SYT1: variants seen among roughly 807,000 people sequenced by gnomAD.
SYT1 encodes synaptotagmin 1.
In SYT1, 8 loss-of-function variants were observed where a neutral mutation model predicts 44.8. The observed-to-expected ratio is 0.18, with a 90% CI of 0.10 to 0.32. The LOEUF is 0.32. SYT1 is among the 10% of genes least tolerant of loss of function. The probability of loss-of-function intolerance (pLI) is 1.00; values close to 1 mark genes in which losing one functional copy is unlikely to be tolerated. For synonymous variants in SYT1, 154 were observed against 188.8 expected (o/e 0.82, Z 1.51); for missense variants, 286 against 509.3 (o/e 0.56, Z 4.22).
intron 4 of SYT1, among the ~76,000 whole-genome samples, chr12:79,253,275 C>T (rs537562139): frequency 2.6e-5 from 4 of 152,042 alleles, no homozygotes; most frequent in Admixed American, 6.6e-5. Flanking sequence ...CCCAAAGCTA[C>T]GCTCACTCTA....
At chr12:78,924,214 T>C (rs1681139852) in intron 1 of SYT1, among the ~76,000 whole-genome samples, 1 of 151,950 alleles carries the variant, frequency 6.6e-6, no homozygotes, top group African/African-American at 2.4e-5. Flanking sequence ...ATTATGGTGA[T>C]GTTAACTTCA....
chr12:79,388,834 G>A lies in SYT1; in HGVS notation c.928+35215G>A, dbSNP rs1055473051. On this transcript the variant is annotated intron_variant, in intron 9 of 10. Transcript: ENST00000261205. ...AACCCCAACTTCTAGGGCTAACTACGTCATGGAAATTATTCTATAAGGACA... is the reference window on the plus strand; with the variant it reads ...AACCCCAACTTCTAGGGCTAACTACATCATGGAAATTATTCTATAAGGACA... 7.9e-5 allele frequency among the ~76,000 whole-genome samples: 12 copies of A among 152,256 alleles called. No individual in the cohort carries two copies. In the South Asian group the frequency reaches 1.2e-3, roughly 16 times the overall value.
chr12:78,935,866 AT>A, intron 1 of SYT1, among the ~76,000 whole-genome samples: 1 of 152,144 alleles, frequency 6.6e-6, no homozygotes, highest in Non-Finnish European at 1.5e-5. Flanking sequence ...GAGTATACTT[AT>A]CTGTAGCCAC....
At chr12:79,130,367 TG>T (rs1274905872) in intron 3 of SYT1, among the ~76,000 whole-genome samples, 1 of 152,234 alleles carries the variant, frequency 6.6e-6, no homozygotes, top group African/African-American at 2.4e-5. Flanking sequence ...TAATATCATT[TG>T]CCATCCTATG....
intron 9 of SYT1, among the ~76,000 whole-genome samples, chr12:79,394,928 T>C (rs1884809412): frequency 1.3e-5 from 2 of 152,204 alleles, no homozygotes; most frequent in Admixed American, 1.3e-4. Flanking sequence ...AGAATTAAGG[T>C]TAAGTTGATA....
chr12:79,199,884 T>C (rs1035518041), intron 3 of SYT1, among the ~76,000 whole-genome samples: 1 of 152,146 alleles, frequency 6.6e-6, no homozygotes, highest in African/African-American at 2.4e-5. Context: ...AAGATAATCA[T>C]GATATAATTC....
At position 78,978,132 on chromosome 12, in the gene SYT1, T is replaced by C. The variant is rs1040979681; in HGVS notation, c.-84+201T>C. On this transcript the variant is annotated intron_variant, in intron 2 of 10. Coordinates refer to ENST00000261205, the MANE Select transcript of SYT1 (RefSeq NM_005639.3). ...TTGTCACATATTCTGAAATTATTAC[T>C]ATTATTAATGTTTTTGAAATGCTGT... Among the ~76,000 whole-genome samples, 3 of 152,222 alleles carry C rather than the reference T, an allele frequency of 2.0e-5. 1 individual carries two copies. Among genetic ancestry groups the C allele is most frequent in the Admixed American group, 2.0e-4 (3 of 15,282 alleles).
chr12:79,041,724 C>T (rs937266681), intron 2 of SYT1, among the ~76,000 whole-genome samples: 57 of 151,010 alleles, frequency 3.8e-4, no homozygotes, highest in African/African-American at 5.1e-4. Flanking sequence ...GGAATGCTTC[C>T]AGTTTTTGCC....
At chr12:79,408,238 G>A (rs1868307846) in intron 9 of SYT1, among the ~76,000 whole-genome samples, 2 of 152,198 alleles carry the variant, frequency 1.3e-5, no homozygotes, top group African/African-American at 2.4e-5. Context: ...CAAAGCCAAG[G>A]TGGCTAAATA....
At chr12:79,227,209 TTTTTTTAAATTAAGGCTTAAA>T (rs1383118343) in intron 4 of SYT1, among the ~76,000 whole-genome samples, 1 of 152,018 alleles carries the variant, frequency 6.6e-6, no homozygotes, top group African/African-American at 2.4e-5. Context: ...CAGGCCTTAA[TTTTTTTAAATTAAGGCTTAAA>T]TTTTTTTTAA....
chr12:79,029,689 A>G (rs549446669), intron 2 of SYT1, among the ~76,000 whole-genome samples: 2 of 151,322 alleles, frequency 1.3e-5, no homozygotes, highest in African/African-American at 4.8e-5. Flanking sequence ...TACATGGTAT[A>G]AGTTAAGTAA....
At chr12:78,999,763 G>T (rs958858685) in intron 2 of SYT1, among the ~76,000 whole-genome samples, 3 of 152,056 alleles carry the variant, frequency 2.0e-5, no homozygotes, top group Non-Finnish European at 4.4e-5. Context: ...AGTGAGAATG[G>T]GAGAGGGGAC....
At chr12:79,409,670 A>G (rs1240295869) in intron 9 of SYT1, among the ~76,000 whole-genome samples, 1 of 152,072 alleles carries the variant, frequency 6.6e-6, no homozygotes, top group Non-Finnish European at 1.5e-5. Context: ...TGCTGCCTTG[A>G]TCATTTTTCT....
chr12:79,100,229 A>G (rs1878369349), intron 3 of SYT1, among the ~76,000 whole-genome samples: 1 of 152,134 alleles, frequency 6.6e-6, no homozygotes, highest in African/African-American at 2.4e-5. Context: ...CGCCCATTTT[A>G]TGATGAGGAA....
chr12:79,377,687 T>G (rs1884056881), intron 9 of SYT1, among the ~76,000 whole-genome samples: 1 of 152,236 alleles, frequency 6.6e-6, no homozygotes, highest in Non-Finnish European at 1.5e-5. Flanking sequence ...CCATATTGTC[T>G]TTGTTGTATA....
At chr12:79,213,501 T>C (rs1431577205) in intron 3 of SYT1, among the ~76,000 whole-genome samples, 4 of 152,238 alleles carry the variant, frequency 2.6e-5, no homozygotes, top group Admixed American at 2.6e-4. Context: ...ACGAGAATAA[T>C]ATGAAATATT....
chr12:79,431,203 A>G (rs1397102622), intron 9 of SYT1, among the ~76,000 whole-genome samples: 1 of 152,238 alleles, frequency 6.6e-6, no homozygotes, highest in East Asian at 1.9e-4. Context: ...TGGTGCTAGA[A>G]TCTTGCAAAG....
intron 3 of SYT1, among the ~76,000 whole-genome samples, chr12:79,178,865 C>A (rs1872072099): frequency 6.7e-6 from 1 of 148,578 alleles, no homozygotes; most frequent in Non-Finnish European, 1.5e-5. Flanking sequence ...GCAATCTCCT[C>A]AGCCTCCTGA....
intron 9 of SYT1, among the ~76,000 whole-genome samples, chr12:79,390,830 C>T (rs1375733079): frequency 3.9e-5 from 6 of 152,152 alleles, no homozygotes; most frequent in African/African-American, 1.4e-4. Context: ...AATTCAATCC[C>T]AACCTCACTG....
Sources: gnomAD v4.1 joint callset for allele counts (sites outside exome capture counted in the v4.1 genomes callset) on GRCh38, gnomAD v4.1.1 for gene constraint, MANE v1.5 for transcripts, NCBI Gene and HGNC (gene_info 2026-07-23, HGNC 2026-07-21) for gene names.